The following WT1 variants were observed in gnomAD, a reference collection of about 807,000 sequenced individuals.
WT1 encodes the protein Wilms tumor protein.
Under a neutral mutation model 60.8 loss-of-function variants are expected in WT1, and 8 were observed. That is an observed-to-expected ratio of 0.13 (90% CI 0.08 to 0.24). WT1 has a LOEUF of 0.24. Ranked by LOEUF, WT1 falls within the 10% of genes least tolerant of loss-of-function variation. WT1 has a pLI of 1.00. For synonymous variants in WT1, 312 were observed against 297.1 expected (o/e 1.05, Z -0.52); for missense variants, 568 against 711.8 (o/e 0.80, Z 2.30).
chr11:32,418,101 G>A (rs1852736284), intron 3 of WT1, among the ~76,000 whole-genome samples: 1 of 151,952 alleles, frequency 6.6e-6, no homozygotes. Flanking sequence ...TGTGGATTAT[G>A]AGGGTCTGAA....
chr11:32,414,150 T>C (rs1373430446), intron 5 of WT1, among the ~76,000 whole-genome samples: 1 of 152,258 alleles, frequency 6.6e-6, no homozygotes, highest in Non-Finnish European at 1.5e-5. Flanking sequence ...TAGCTAATTG[T>C]AATTTTTGCT....
In WT1 at chr11:32,407,896, A is replaced by G. The variant is rs565929226; in HGVS notation, c.1017-7852T>C. On this transcript the variant is annotated intron_variant, in intron 5 of 9. Coordinates refer to ENST00000452863, the MANE Select transcript of WT1 (RefSeq NM_024426.6). ...AAAGAAAAAGGAAAAAAGAAAATAA[A>G]AAAAGAAACCCAAATCGAATCAAGC... is the stretch of plus-strand genomic sequence containing the variant. Among the ~76,000 whole-genome samples, 6 of 152,236 alleles carry G rather than the reference A, an allele frequency of 3.9e-5. No individual in the cohort carries two copies. The South Asian group carries it at 1.2e-3, about 32-fold the overall frequency.
chr11:32,400,231 G>A, intron 5 of WT1, 187 bp from the exon 6 acceptor site: 1 of 694,734 alleles, frequency 1.4e-6, no homozygotes. Context: ...CTGGATCCTG[G>A]CCGCCACCTC....
chr11:32,415,247 T>C (rs1264391527), intron 5 of WT1, among the ~76,000 whole-genome samples: 1 of 152,204 alleles, frequency 6.6e-6, no homozygotes, highest in African/African-American at 2.4e-5. Flanking sequence ...CCTTGCTATT[T>C]AGCTTGGGGA....
chr11:32,431,601 CA>C (rs1424640002), intron 1 of WT1, among the ~76,000 whole-genome samples: 1 of 100,906 alleles, frequency 9.9e-6, no homozygotes, highest in Admixed American at 9.6e-5. Context: ...CAAGCCCGGC[CA>C]ATTTTTTTTT....
intron 7 of WT1, 133 bp from the exon 8 acceptor site, chr11:32,392,888 T>A: frequency 1.3e-6 from 1 of 755,506 alleles, no homozygotes. Flanking sequence ...TAGGGTAGGA[T>A]GATCCCCAAC....
chr11:32,426,250 G>C (rs1042347443), intron 3 of WT1, among the ~76,000 whole-genome samples: 1 of 152,182 alleles, frequency 6.6e-6, no homozygotes, highest in African/African-American at 2.4e-5. Context: ...CACACCAACT[G>C]AGTCCACAGG....
At chr11:32,400,947 T>A (rs2132964221) in intron 5 of WT1, among the ~76,000 whole-genome samples, 1 of 152,330 alleles carries the variant, frequency 6.6e-6, no homozygotes, top group Non-Finnish European at 1.5e-5. Flanking sequence ...TATCTGGCAG[T>A]TCCTCAAAAG....
At chr11:32,390,930 A>T (rs984620200) in intron 9 of WT1, among the ~76,000 whole-genome samples, 9 of 152,154 alleles carry the variant, frequency 5.9e-5, no homozygotes, top group African/African-American at 2.2e-4. Flanking sequence ...CAGTCTCCTC[A>T]TCTGTAAGAT....
intron 3 of WT1, among the ~76,000 whole-genome samples, chr11:32,426,925 C>A (rs933414872): frequency 6.6e-6 from 1 of 152,162 alleles, no homozygotes; most frequent in African/African-American, 2.4e-5. Flanking sequence ...GGCGCGGCCA[C>A]TCCCCCACCC....
chr11:32,416,277 C>T (rs1852665514), intron 5 of WT1, among the ~76,000 whole-genome samples: 1 of 151,696 alleles, frequency 6.6e-6, no homozygotes, highest in African/African-American at 2.4e-5. Flanking sequence ...CATTGTTTTC[C>T]AGGGGCATGT....
intron 1 of WT1, chr11:32,430,526 G>C (rs747363777): frequency 1.9e-6 from 3 of 1,572,852 alleles, no homozygotes; most frequent in African/African-American, 1.5e-5. Context: ...TTCTCTAGAC[G>C]AACCCTTCTC....
chr11:32,418,372 T>C (rs1203061539), intron 3 of WT1, among the ~76,000 whole-genome samples: 1 of 152,182 alleles, frequency 6.6e-6, no homozygotes, highest in Non-Finnish European at 1.5e-5. Flanking sequence ...GTCCCCTCTG[T>C]ATTTATCTCA....
At position 32,435,145 on chromosome 11, in the gene WT1, C is replaced by A. The variant is rs5030135; in HGVS notation, c.216G>T (p.Gln72His). 4.4e-4 allele frequency: 674 copies of A among 1,521,024 alleles called. 3 individuals are homozygous for A. In the Middle Eastern group the frequency reaches 6.9e-3, roughly 16 times the overall value. The allele number at this position is 1,521,024 out of a possible 1,614,324, so 94.2% of individuals were successfully genotyped here. A position where few individuals can be genotyped will look rare whatever the true frequency, so the allele number is the denominator to read the frequency against. ...GGTCCCGCACGTCGGAGCCCATTTG[C>A]TGCGGCTCAGACCCGGACGCCCCGC... The change falls in exon 1 of 10, where the codon CAG becomes CAT. Residue 72 changes from glutamine to histidine, a missense_variant. By Grantham distance (24) the Gln-to-His change is conservative. Transcript: ENST00000452863.
At chr11:32,415,103 T>C (rs1379879572) in intron 5 of WT1, among the ~76,000 whole-genome samples, 1 of 152,158 alleles carries the variant, frequency 6.6e-6, no homozygotes, top group African/African-American at 2.4e-5. Flanking sequence ...ACCATGGAAA[T>C]ATCCAGCTGC....
rs2132900242 is a variant in WT1, at chr11:32,389,196, C to T, written c.1448-17G>A. The stretch of plus-strand genomic sequence containing the variant: ...GCTTTTCACCTGTTGACACAATTGC[C>T]AGTCAGAGACACTTGCAACAAAGAG... On this transcript the variant is annotated splice_polypyrimidine_tract_variant and intron_variant, in intron 9 of 9. Transcript: ENST00000452863. The T allele has an allele frequency of 6.2e-7, 1 of 1,613,952 alleles. No individual in the cohort carries two copies. The highest frequency in any genetic ancestry group is 8.5e-7 in the Non-Finnish European group (1 of 1,179,888).
At chr11:32,416,660 A>T in intron 4 of WT1, 120 bp from the exon 5 acceptor site, 1 of 1,260,380 alleles carries the variant, frequency 7.9e-7, no homozygotes, top group Non-Finnish European at 1.1e-6. Context: ...GCTAGCTATC[A>T]AGAGTGCTGA....
In WT1 at chr11:32,428,489, T is replaced by C. The variant is rs1355455709; in HGVS notation, c.784+8A>G. 1 of 1,613,944 alleles carries C rather than the reference T, an allele frequency of 6.2e-7. No homozygotes were observed. Among genetic ancestry groups the C allele is most frequent in the East Asian group, 2.2e-5 (1 of 44,886 alleles). On this transcript the variant is annotated splice_region_variant and intron_variant, in intron 2 of 9. Transcript: ENST00000452863. Reference sequence around the variant, plus strand: ...GGAGAAGGACTCCACTTGGTTCCGCTCGCTTACCCAGCGAGCCCTGCTGGC... The same window carrying C: ...GGAGAAGGACTCCACTTGGTTCCGCCCGCTTACCCAGCGAGCCCTGCTGGC...
intron 5 of WT1, among the ~76,000 whole-genome samples, chr11:32,411,195 T>C (rs1237170022): frequency 6.6e-6 from 1 of 152,184 alleles, no homozygotes; most frequent in Admixed American, 6.5e-5. Context: ...TTCTTTCCTA[T>C]CTTTCCTATT....
Sources: gnomAD v4.1 joint callset for allele counts (sites outside exome capture counted in the v4.1 genomes callset) on GRCh38, gnomAD v4.1.1 for gene constraint, MANE v1.5 for transcripts, NCBI Gene and HGNC (gene_info 2026-07-23, HGNC 2026-07-21) for gene names.